The following CNTN5 variants were observed in gnomAD, a reference collection of about 807,000 sequenced individuals.
CNTN5 encodes contactin 5, also known as contactin-5.
In CNTN5, 77 loss-of-function variants were observed where a neutral mutation model predicts 129.1. The observed-to-expected ratio is 0.60, with a 90% confidence interval of 0.50 to 0.72. CNTN5 has a LOEUF of 0.72. Among genes scored for constraint, CNTN5 ranks in the 30% least tolerant of loss-of-function variants. The probability of loss-of-function intolerance (pLI) is 0.00; values close to 1 mark genes in which losing one functional copy is unlikely to be tolerated. For missense variants in CNTN5, 1,478 were observed against 1,328.8 expected (o/e 1.11, Z -1.75); for synonymous variants, 509 against 465.6 (o/e 1.09, Z -1.20).
At position 99,978,985 on chromosome 11, in the gene CNTN5, C is replaced by T. The variant is rs561812935; in HGVS notation, c.877+21976C>T. ...TTAGGTTGCTATCCCAGTTCTGCCC[C>T]GCTTTAACTATGTGACCCACTCTCT... is the stretch of plus-strand genomic sequence containing the variant. On this transcript the variant is annotated intron_variant, in intron 8 of 24. Transcript: ENST00000524871. Among the ~76,000 whole-genome samples, 24 of 152,264 alleles carry T rather than the reference C, an allele frequency of 1.6e-4. No homozygotes were observed. In the South Asian group the frequency reaches 2.3e-3, roughly 14 times the overall value.
rs1952561899 is a variant in CNTN5 at position 100,357,936 on chromosome 11, T to C, written c.*1716T>C. 1.3e-5 allele frequency: 2 copies of C among 151,830 alleles called. No homozygotes were observed. The highest frequency in any genetic ancestry group is 1.5e-5 in the Non-Finnish European group (1 of 67,832). The allele number at this position is 151,830 out of a possible 1,614,324, so 9.4% of individuals were successfully genotyped here. On this transcript the variant is annotated 3_prime_UTR_variant, in exon 25 of 25. Coordinates refer to ENST00000524871, the MANE Select transcript of CNTN5 (RefSeq NM_014361.4). ...TTAAAAGACTCACTCAATGATATTA[T>C]AGTAAATACTACAGATGGTAAGTAT...
In CNTN5 at chr11:99,067,029, C is replaced by T. The variant is rs114577483; in HGVS notation, c.-210+45759C>T. ...ATTTCCATGAGCTAGCTCCCTTAGC[C>T]TTCTTCCCACTTATTTTCCCTTTTC... On this transcript the variant is annotated intron_variant, in intron 1 of 24. Coordinates refer to ENST00000524871, the MANE Select transcript of CNTN5 (RefSeq NM_014361.4). Among the ~76,000 whole-genome samples the T allele has an allele frequency of 2.0e-3, 297 of 152,260 alleles. 2 individuals carry two copies. The highest frequency in any genetic ancestry group is 6.8e-3 in the African/African-American group (283 of 41,550).
chr11:99,905,126 A>G (rs766968145), intron 6 of CNTN5, among the ~76,000 whole-genome samples: 1 of 152,182 alleles, frequency 6.6e-6, no homozygotes, highest in Non-Finnish European at 1.5e-5. Flanking sequence ...TTTGCTGTGC[A>G]GAAGCTCTTT....
chr11:99,670,208 A>T (rs574237989), intron 3 of CNTN5, among the ~76,000 whole-genome samples: 1 of 152,274 alleles, frequency 6.6e-6, no homozygotes, highest in East Asian at 1.9e-4. Context: ...AAGTCACCCT[A>T]TTGCAAATTC....
rs570381379 is a variant in CNTN5 at position 99,561,995 on chromosome 11, T to C, written c.55+5726T>C. Among the ~76,000 whole-genome samples, 5 of 152,178 alleles carry C rather than the reference T, an allele frequency of 3.3e-5. No homozygotes were observed. In the South Asian group the frequency reaches 1.0e-3, roughly 32 times the overall value. On this transcript the variant is annotated intron_variant, in intron 3 of 24. Transcript: ENST00000524871. ...TCCTTGGCATACTAGTTATTTTGAG[T>C]TGGTTATTTTGAAAAACTGCAGACA...
chr11:99,749,291 T>G (rs1944158221), intron 3 of CNTN5, among the ~76,000 whole-genome samples: 1 of 151,894 alleles, frequency 6.6e-6, no homozygotes, highest in Non-Finnish European at 1.5e-5. Context: ...GAAAAAAGAA[T>G]GGGGAAAAAA....
intron 3 of CNTN5, among the ~76,000 whole-genome samples, chr11:99,609,669 A>C (rs1950537986): frequency 6.6e-6 from 1 of 152,150 alleles, no homozygotes; most frequent in Non-Finnish European, 1.5e-5. Flanking sequence ...TCATTCACTT[A>C]GGAACTTTAG....
chr11:100,009,411 A>T (rs1299813040), intron 9 of CNTN5, among the ~76,000 whole-genome samples: 1 of 151,978 alleles, frequency 6.6e-6, no homozygotes, highest in Non-Finnish European at 1.5e-5. Flanking sequence ...ACCCATAGGG[A>T]AACAAAGGTA....
intron 1 of CNTN5, among the ~76,000 whole-genome samples, chr11:99,190,326 G>A (rs1299404189): frequency 1.3e-5 from 2 of 151,690 alleles, no homozygotes; most frequent in African/African-American, 2.4e-5. Flanking sequence ...ATCAGGAGGT[G>A]TGATGCCTCT....
intron 3 of CNTN5, among the ~76,000 whole-genome samples, chr11:99,582,176 A>T (rs1178759383): frequency 6.6e-6 from 1 of 152,108 alleles, no homozygotes; most frequent in Non-Finnish European, 1.5e-5. Flanking sequence ...TTGCTTGTAG[A>T]GTTTCTGCCG....
chr11:100,230,218 T>C (rs2138645763), intron 16 of CNTN5, among the ~76,000 whole-genome samples: 1 of 152,334 alleles, frequency 6.6e-6, no homozygotes, highest in Middle Eastern at 3.4e-3. Flanking sequence ...AAAGAAAAGC[T>C]AATTTCATTC....
intron 13 of CNTN5, among the ~76,000 whole-genome samples, chr11:100,101,411 G>T: frequency 6.6e-6 from 1 of 151,954 alleles, no homozygotes; most frequent in East Asian, 1.9e-4. Context: ...CACTTTTCTA[G>T]CCTTTTCTCT....
chr11:100,228,011 G>A (rs1949414647), intron 16 of CNTN5, among the ~76,000 whole-genome samples: 1 of 152,160 alleles, frequency 6.6e-6, no homozygotes, highest in South Asian at 2.1e-4. Context: ...ATTAATGTTA[G>A]AAGTATGTTT....
chr11:99,935,217 G>T (rs1950288840), intron 7 of CNTN5, among the ~76,000 whole-genome samples: 1 of 151,412 alleles, frequency 6.6e-6, no homozygotes, highest in South Asian at 2.1e-4. Context: ...TTGTCAACCA[G>T]GGTTCCAAAA....
intron 2 of CNTN5, among the ~76,000 whole-genome samples, chr11:99,523,416 G>A (rs989588739): frequency 1.3e-5 from 2 of 152,070 alleles, no homozygotes; most frequent in Admixed American, 1.3e-4. Flanking sequence ...GCGACGTGGC[G>A]AAACCCCATC....
At chr11:99,849,501 C>G (rs754305949) in intron 6 of CNTN5, among the ~76,000 whole-genome samples, 19 of 152,010 alleles carry the variant, frequency 1.2e-4, no homozygotes, top group African/African-American at 4.6e-4. Context: ...CTCCCAACCC[C>G]TTGTCAGGCA....
rs201978001 is a variant in CNTN5, at chr11:100,308,434, T to C, written c.2696T>C (p.Ile899Thr). The C allele has an allele frequency of 4.7e-5, 75 of 1,610,620 alleles. No homozygotes were observed. The highest frequency in any genetic ancestry group is 6.2e-5 in the Non-Finnish European group (73 of 1,177,762). Reference protein sequence around the residue: ...VSEILVAWKHIKESLGRPQGF... With the variant: ...VSEILVAWKHTKESLGRPQGF... ...GAGATTCTTGTTGCATGGAAACACA[T>C]TAAAGAGAGTCTAGGAAGACCACAG... The change falls in exon 21 of 25, where the codon ATT becomes ACT. Residue 899 changes from isoleucine (I) to threonine (T), a missense_variant. Transcript: ENST00000524871.
intron 6 of CNTN5, among the ~76,000 whole-genome samples, chr11:99,850,414 A>G (rs1045801402): frequency 6.6e-6 from 1 of 152,160 alleles, no homozygotes; most frequent in African/African-American, 2.4e-5. Flanking sequence ...CCTTTTATTA[A>G]TATCTGGTGA....
chr11:99,103,740 A>G (rs1432377952), intron 1 of CNTN5, among the ~76,000 whole-genome samples: 1 of 151,682 alleles, frequency 6.6e-6, no homozygotes, highest in Non-Finnish European at 1.5e-5. Flanking sequence ...CAGGTGAACC[A>G]TAAATCTAAT....
Sources: allele counts gnomAD v4.1 joint callset (sites outside exome capture counted in the v4.1 genomes callset), GRCh38; gene constraint gnomAD v4.1.1; transcripts MANE v1.5; gene names NCBI Gene and HGNC (gene_info 2026-07-23, HGNC 2026-07-21).